TOX2: variants seen among roughly 807,000 people sequenced by gnomAD.
TOX2 encodes the protein TOX high mobility group box family member 2, also known as granulosa cell HMG box 1.
Under a neutral mutation model 47.4 loss-of-function variants are expected in TOX2, and 15 were observed. That is an observed-to-expected ratio of 0.32 (90% CI 0.21 to 0.49). The LOEUF is 0.49. Among genes scored for constraint, TOX2 ranks in the 20% least tolerant of loss-of-function variants. TOX2 has a pLI of 0.99. For synonymous variants in TOX2, 290 were observed against 296.6 expected (o/e 0.98, Z 0.23); for missense variants, 622 against 673.1 (o/e 0.92, Z 0.84).
chr20:43,939,386 G>T (rs2069372437), intron 1 of TOX2, among the ~76,000 whole-genome samples: 1 of 152,186 alleles, frequency 6.6e-6, no homozygotes, highest in Non-Finnish European at 1.5e-5. Context: ...CAAAACCTTG[G>T]TCTAGCTTCC....
At chr20:44,009,459 T>A (rs961916729) in intron 3 of TOX2, among the ~76,000 whole-genome samples, 1 of 152,162 alleles carries the variant, frequency 6.6e-6, no homozygotes, top group Non-Finnish European at 1.5e-5. Flanking sequence ...TCCTCGTGGG[T>A]CCATCAATAA....
chr20:44,019,226 C>T (rs886939431), intron 3 of TOX2, among the ~76,000 whole-genome samples: 3 of 152,206 alleles, frequency 2.0e-5, no homozygotes, highest in Non-Finnish European at 4.4e-5. Flanking sequence ...TCTTACACAG[C>T]AGTCTGCTTC....
At chr20:44,037,816 A>G (rs2071265385) in intron 3 of TOX2, among the ~76,000 whole-genome samples, 2 of 152,190 alleles carry the variant, frequency 1.3e-5, no homozygotes, top group Non-Finnish European at 2.9e-5. Context: ...GATACAGAAA[A>G]TTGGTACCAG....
intron 8 of TOX2, 59 bp downstream of exon 8, chr20:44,066,916 G>A (rs2071834236): frequency 3.8e-6 from 6 of 1,568,976 alleles, no homozygotes; most frequent in Non-Finnish European, 5.2e-6. Context: ...GGAACAGGAT[G>A]GCCAGGGATG....
chr20:43,925,753 C>G (rs1267065274), intron 1 of TOX2, among the ~76,000 whole-genome samples: 5 of 152,220 alleles, frequency 3.3e-5, no homozygotes, highest in South Asian at 4.1e-4. Context: ...CGTTTCTGAT[C>G]CCAGCCTTTT....
At position 43,931,463 on chromosome 20, in the gene TOX2, C is replaced by G. The variant is rs1600657131; in HGVS notation, c.99+16473C>G. 2.6e-5 allele frequency among the ~76,000 whole-genome samples: 4 copies of G among 152,316 alleles called. No homozygotes were observed. In the South Asian group the frequency reaches 6.2e-4, roughly 24 times the overall value. On this transcript the variant is annotated intron_variant, in intron 1 of 8. Transcript: ENST00000341197. ...CATACACGTCTGTTAAATTTCTGCT[C>G]AAGCGCCACCCCCTCCTGGAGGCTT...
intron 8 of TOX2, among the ~76,000 whole-genome samples, chr20:44,067,446 G>A (rs1441345077): frequency 6.6e-6 from 1 of 152,128 alleles, no homozygotes; most frequent in Non-Finnish European, 1.5e-5. Context: ...GGTGAGTGTA[G>A]CCCACTGGGC....
At chr20:44,035,662 G>T (rs892971609) in intron 3 of TOX2, among the ~76,000 whole-genome samples, 3 of 152,226 alleles carry the variant, frequency 2.0e-5, no homozygotes, top group Admixed American at 6.5e-5. Context: ...CTGATGCGTG[G>T]GGAGAGGCTG....
chr20:43,979,752 A>C (rs1265573600), intron 2 of TOX2, among the ~76,000 whole-genome samples: 1 of 152,230 alleles, frequency 6.6e-6, no homozygotes, highest in Non-Finnish European at 1.5e-5. Context: ...GAAGACCTGC[A>C]ATGGCAAAGA....
intron 3 of TOX2, among the ~76,000 whole-genome samples, chr20:44,024,822 A>G (rs1226661057): frequency 1.3e-5 from 2 of 152,134 alleles, no homozygotes; most frequent in East Asian, 1.9e-4. Flanking sequence ...GATATACAAT[A>G]TACAAAGATA....
chr20:43,983,880 G>T (rs1221677642), intron 2 of TOX2, among the ~76,000 whole-genome samples: 1 of 152,148 alleles, frequency 6.6e-6, no homozygotes, highest in Non-Finnish European at 1.5e-5. Flanking sequence ...GGAGGGTGAG[G>T]CTCTTCGAAA....
At chr20:44,041,351 G>T (rs75177418) in intron 3 of TOX2, among the ~76,000 whole-genome samples, 1 of 152,168 alleles carries the variant, frequency 6.6e-6, no homozygotes, top group Non-Finnish European at 1.5e-5. Flanking sequence ...TAAAGGGGGC[G>T]GGGTCCGGCA....
chr20:44,035,440 A>G (rs2071223725), intron 3 of TOX2, among the ~76,000 whole-genome samples: 1 of 151,588 alleles, frequency 6.6e-6, no homozygotes, highest in South Asian at 2.1e-4. Context: ...GAGTCAGGCC[A>G]GACTCCACTT....
intron 3 of TOX2, among the ~76,000 whole-genome samples, chr20:44,023,407 G>A (rs62206220): frequency 0.033 from 4,046 of 124,428 alleles, 72 homozygotes; most frequent in Middle Eastern, 0.067. Flanking sequence ...TCCAGTCTGG[G>A]TGACAGAGCT....
At chr20:43,945,799 G>A (rs972084773) in intron 1 of TOX2, 9 of 1,449,122 alleles carry the variant, frequency 6.2e-6, no homozygotes, top group Non-Finnish European at 7.6e-6. Context: ...CACCTTATAC[G>A]AATGGGATGG....
chr20:43,964,268 C>T (rs1378594949), intron 1 of TOX2, among the ~76,000 whole-genome samples: 2 of 152,138 alleles, frequency 1.3e-5, no homozygotes, highest in Non-Finnish European at 2.9e-5. Flanking sequence ...CTTCCCAGGC[C>T]GTGCTCTATT....
At chr20:44,046,205 G>T (rs2071406589) in intron 3 of TOX2, among the ~76,000 whole-genome samples, 1 of 152,168 alleles carries the variant, frequency 6.6e-6, no homozygotes, top group Non-Finnish European at 1.5e-5. Context: ...AAAGTAGGAT[G>T]TAAGACAGAA....
intron 3 of TOX2, among the ~76,000 whole-genome samples, chr20:44,030,767 A>G (rs1415777708): frequency 1.3e-5 from 2 of 152,228 alleles, no homozygotes; most frequent in African/African-American, 4.8e-5. Flanking sequence ...TGTGCCTGCT[A>G]TAAAGTGACA....
At chr20:43,993,235 T>C (rs2070403248) in intron 2 of TOX2, among the ~76,000 whole-genome samples, 1 of 152,112 alleles carries the variant, frequency 6.6e-6, no homozygotes, top group African/African-American at 2.4e-5. Flanking sequence ...AATGGGAGTA[T>C]CACCATCAGT....
Sources: gnomAD v4.1 joint callset for allele counts (sites outside exome capture counted in the v4.1 genomes callset) on GRCh38, gnomAD v4.1.1 for gene constraint, MANE v1.5 for transcripts, NCBI Gene and HGNC (gene_info 2026-07-23, HGNC 2026-07-21) for gene names.